The following KANK1 variants were observed in gnomAD, a reference collection of about 807,000 sequenced individuals.
KANK1 encodes the protein KN motif and ankyrin repeat domains 1.
Under a neutral mutation model 106.2 loss-of-function variants are expected in KANK1, and 109 were observed. That is an observed-to-expected ratio of 1.03 (90% CI 0.88 to 1.20). The LOEUF (loss-of-function observed/expected upper bound fraction) is 1.20, where lower values mean the gene tolerates loss of function less well. Ranked by LOEUF, KANK1 falls within the 50% of genes most tolerant of loss-of-function variation. The pLI, the probability that KANK1 is intolerant of heterozygous loss-of-function variation, is 0.00. For missense variants in KANK1, 2,399 were observed against 1,710.7 expected (o/e 1.40, Z -7.10); for synonymous variants, 873 against 652.2 (o/e 1.34, Z -5.16).
At chr9:560,696 T>A (rs1259563055) in intron 1 of KANK1, among the ~76,000 whole-genome samples, 2 of 152,184 alleles carry the variant, frequency 1.3e-5, no homozygotes, top group East Asian at 3.8e-4. Context: ...AGAGTGGTCT[T>A]TGATCAAGAA....
chr9:610,874 A>T (rs1470832287), intron 1 of KANK1, among the ~76,000 whole-genome samples: 1 of 152,186 alleles, frequency 6.6e-6, no homozygotes, highest in African/African-American at 2.4e-5. Context: ...GGGCAAAGGG[A>T]AAGAGGCCAG....
intron 1 of KANK1, among the ~76,000 whole-genome samples, chr9:654,507 C>G (rs907831536): frequency 1.3e-5 from 2 of 152,158 alleles, no homozygotes. Context: ...GCAAACCACT[C>G]ACAGGACAAT....
chr9:742,244 C>T lies in KANK1; in HGVS notation c.3736C>T (p.Arg1246Trp), dbSNP rs369238209. Residue 1246 changes from arginine to tryptophan, a missense_variant, in exon 10 of 12, where the codon CGG (arginine) becomes TGG (tryptophan). Coordinates refer to ENST00000382297, the MANE Select transcript of KANK1 (RefSeq NM_015158.5). ...TALMLAVSHG[R>W]IDMVKGLLAC... ...CCTCATGCTGGCGGTCAGTCACGGA[C>T]GGATAGACATGGTGAAGGGCCTTCT... is the stretch of plus-strand genomic sequence containing the variant. 3.6e-5 allele frequency: 58 copies of T among 1,614,048 alleles called. No individual in the cohort carries two copies. The highest frequency in any genetic ancestry group is 6.7e-5 in the African/African-American group (5 of 74,922).
intron 1 of KANK1, among the ~76,000 whole-genome samples, chr9:643,812 C>T (rs1839053149): frequency 6.6e-6 from 1 of 150,412 alleles, no homozygotes; most frequent in South Asian, 2.1e-4. Flanking sequence ...AAACAATTCT[C>T]CTGCCTCAGC....
At chr9:606,676 G>A (rs2361093) in intron 1 of KANK1, among the ~76,000 whole-genome samples, 45,489 of 149,418 alleles carry the variant, frequency 0.3, 7,870 homozygotes, top group African/African-American at 0.41. Context: ...AAAAGATGCA[G>A]TATGTCAGTG....
intron 6 of KANK1, 154 bp downstream of exon 6, chr9:732,771 A>T (rs1376193822): frequency 3.8e-6 from 3 of 792,218 alleles, no homozygotes; most frequent in Non-Finnish European, 6.0e-6. Flanking sequence ...ATACAAGTGC[A>T]GAGTATTACA....
At chr9:488,772 G>A (rs980427858) in intron 3 of KANK1, among the ~76,000 whole-genome samples, 30 of 152,154 alleles carry the variant, frequency 2.0e-4, no homozygotes, top group African/African-American at 6.3e-4. Flanking sequence ...ATCTCAAGCA[G>A]TGTTGTTTAT....
At chr9:561,409 T>G (rs1380301214) in intron 1 of KANK1, among the ~76,000 whole-genome samples, 1 of 152,214 alleles carries the variant, frequency 6.6e-6, no homozygotes, top group Non-Finnish European at 1.5e-5. Flanking sequence ...TGCACTCTTA[T>G]TTATTAAAAC....
At chr9:560,204 T>C (rs1211136352) in intron 1 of KANK1, among the ~76,000 whole-genome samples, 2 of 152,220 alleles carry the variant, frequency 1.3e-5, no homozygotes, top group Non-Finnish European at 2.9e-5. Flanking sequence ...CAGATACTTA[T>C]TGGAGAGAGA....
At chr9:715,588 A>T (rs1160501853) in intron 3 of KANK1, among the ~76,000 whole-genome samples, 1 of 152,248 alleles carries the variant, frequency 6.6e-6, no homozygotes, top group African/African-American at 2.4e-5. Context: ...CATGCCACAC[A>T]TCACTGGTTA....
chr9:604,749 G>C (rs758492795), intron 1 of KANK1, among the ~76,000 whole-genome samples: 2 of 151,738 alleles, frequency 1.3e-5, no homozygotes, highest in Non-Finnish European at 2.9e-5. Context: ...AGAATCGATT[G>C]AACCTGACAG....
chr9:638,263 C>G (rs1330661652), intron 1 of KANK1, among the ~76,000 whole-genome samples: 1 of 152,164 alleles, frequency 6.6e-6, no homozygotes, highest in African/African-American at 2.4e-5. Context: ...GCTATGGAGG[C>G]TGAGAAGTCC....
At chr9:561,505 CTG>C (rs1816436470) in intron 1 of KANK1, among the ~76,000 whole-genome samples, 1 of 152,220 alleles carries the variant, frequency 6.6e-6, no homozygotes, top group African/African-American at 2.4e-5. Flanking sequence ...ACACTCATCA[CTG>C]TGCATTTGTT....
intron 1 of KANK1, among the ~76,000 whole-genome samples, chr9:563,983 C>A (rs1817155549): frequency 6.6e-6 from 1 of 151,836 alleles, no homozygotes; most frequent in Admixed American, 6.6e-5. Context: ...AAGACAGGAT[C>A]TTTGTCTTAC....
intron 1 of KANK1, among the ~76,000 whole-genome samples, chr9:571,006 T>A (rs1385175511): frequency 6.6e-6 from 1 of 152,212 alleles, no homozygotes; most frequent in Non-Finnish European, 1.5e-5. Flanking sequence ...TACAAACATA[T>A]ATATTTTTAA....
In KANK1 at chr9:608,028, A is replaced by ATTTTTT. The variant is rs1326986665; in HGVS notation, c.-83-68860_-83-68859insTTTTTT. Reference sequence around the variant, plus strand: ...AACTTTCAGAATTATTATTATTATTATTATTATTTTTTTTTTTTTTGAGAC... The same window carrying ATTTTTT: ...AACTTTCAGAATTATTATTATTATTATTTTTTTTATTATTTTTTTTTTTTTTGAGAC... On this transcript the variant is annotated intron_variant, in intron 1 of 11. Transcript: ENST00000382297. Among the ~76,000 whole-genome samples the ATTTTTT allele has an allele frequency of 2.7e-3, 229 of 84,260 alleles. 12 individuals carry two copies. Among genetic ancestry groups the ATTTTTT allele is most frequent in the African/African-American group, 0.01 (218 of 21,382 alleles). 55.3% of individuals were successfully genotyped at this position (84,260 alleles called of 152,430 possible). A position where few individuals can be genotyped will look rare whatever the true frequency, so the allele number is the denominator to read the frequency against.
Position 557,046 on chromosome 9 carries a change from A to G in KANK1, c.-84+52292A>G, listed in dbSNP as rs537994209. 2.6e-5 allele frequency among the ~76,000 whole-genome samples: 4 copies of G among 152,270 alleles called. No individual in the cohort carries two copies. In the South Asian group the frequency reaches 8.3e-4, roughly 32 times the overall value. Reference sequence around the variant, plus strand: ...TAAAAACAAATTTCTGGGCGAGTGTAGTGGCTCATGCCTGCAATCCTAGTA... The same window carrying G: ...TAAAAACAAATTTCTGGGCGAGTGTGGTGGCTCATGCCTGCAATCCTAGTA... On this transcript the variant is annotated intron_variant, in intron 1 of 11. Transcript: ENST00000382297.
chr9:581,804 G>A (rs186937069), intron 1 of KANK1, among the ~76,000 whole-genome samples: 9 of 152,166 alleles, frequency 5.9e-5, no homozygotes, highest in Admixed American at 2.6e-4. Flanking sequence ...ACTGCTTCTG[G>A]GCTGCATTTG....
upstream of KANK1, among the ~76,000 whole-genome samples, chr9:503,179 T>C (rs1255635862): frequency 6.6e-6 from 1 of 152,104 alleles, no homozygotes; most frequent in East Asian, 1.9e-4. Context: ...CTGCCTCTGA[T>C]ATCTCATCCC....
Sources: allele counts gnomAD v4.1 joint callset (sites outside exome capture counted in the v4.1 genomes callset), GRCh38; gene constraint gnomAD v4.1.1; transcripts MANE v1.5; gene names NCBI Gene and HGNC (gene_info 2026-07-23, HGNC 2026-07-21).